ASRGL1: variants seen among roughly 807,000 people sequenced by gnomAD.
ASRGL1 encodes isoaspartyl peptidase/L-asparaginase.
In ASRGL1, 16 loss-of-function variants were observed where a neutral mutation model predicts 22.4. That is an observed-to-expected ratio of 0.71 (90% CI 0.48 to 1.08). The LOEUF (loss-of-function observed/expected upper bound fraction) is 1.08, where lower values mean the gene tolerates loss of function less well. ASRGL1 is among the 50% of genes least tolerant of loss of function. ASRGL1 has a pLI of 0.00. For missense variants in ASRGL1, 412 were observed against 410.1 expected, an observed-to-expected ratio of 1.00 and a Z score of -0.04; for synonymous variants, 165 against 159.3, an observed-to-expected ratio of 1.04 and a Z score of -0.27.
At chr11:62,359,224 C>G (rs1312134267) in intron 4 of ASRGL1, among the ~76,000 whole-genome samples, 1 of 152,092 alleles carries the variant, frequency 6.6e-6, no homozygotes, top group Non-Finnish European at 1.5e-5. Flanking sequence ...CACAGTGGAT[C>G]ACATCTGAGG....
At chr11:62,343,339 C>G (rs1590702899) in intron 2 of ASRGL1, among the ~76,000 whole-genome samples, 2 of 142,406 alleles carry the variant, frequency 1.4e-5, no homozygotes, top group Admixed American at 7.4e-5. Context: ...GATCGTGCCA[C>G]TGCACTCCAG....
At chr11:62,378,579 G>A (rs769612690) in intron 4 of ASRGL1, among the ~76,000 whole-genome samples, 1 of 152,192 alleles carries the variant, frequency 6.6e-6, no homozygotes, top group Non-Finnish European at 1.5e-5. Context: ...TTAAAGGCCA[G>A]TCTTTTGGGA....
At chr11:62,388,690 A>G (rs1000785317) in intron 4 of ASRGL1, among the ~76,000 whole-genome samples, 7 of 150,410 alleles carry the variant, frequency 4.7e-5, no homozygotes, top group Admixed American at 2.0e-4. Context: ...AAAAAAAAAA[A>G]GCAGGATTTT....
rs1945764680 is a variant in ASRGL1, at chr11:62,337,963, C to CT, written c.-14dup. ...GACGACGCTTTCGCCTTCCTGCTGC[C>CT]TAGGATCCGCCGACATGAATCCCAT... On this transcript the variant is annotated 5_prime_UTR_variant, in exon 2 of 7. Coordinates refer to ENST00000415229, the MANE Select transcript of ASRGL1 (RefSeq NM_001083926.2). 6.3e-7 allele frequency: 1 copy of CT among 1,582,806 alleles called. No homozygotes were observed. The highest frequency in any genetic ancestry group is 1.8e-5 in the Admixed American group (1 of 54,880).
chr11:62,397,210 A>G (rs1326159613), downstream of ASRGL1, among the ~76,000 whole-genome samples: 1 of 152,036 alleles, frequency 6.6e-6, no homozygotes, highest in African/African-American at 2.4e-5. Flanking sequence ...TTGTATTTTT[A>G]GTAGAGATGG....
intron 4 of ASRGL1, chr11:62,372,107 A>G (rs1341572384): frequency 8.9e-6 from 7 of 786,280 alleles, no homozygotes; most frequent in Non-Finnish European, 1.6e-5. Flanking sequence ...CCTCCTCATC[A>G]CCACAGAAGG....
intron 2 of ASRGL1, among the ~76,000 whole-genome samples, chr11:62,349,871 C>A (rs1324274393): frequency 6.6e-6 from 1 of 152,012 alleles, no homozygotes; most frequent in Non-Finnish European, 1.5e-5. Context: ...CCTTTTTAGA[C>A]CACATAGGGG....
chr11:62,350,540 A>G (rs113099624), intron 2 of ASRGL1, among the ~76,000 whole-genome samples: 6,617 of 152,298 alleles, frequency 0.043, 493 homozygotes, highest in African/African-American at 0.15. Flanking sequence ...TCACGCCTGT[A>G]ATGCCAGCAC....
At chr11:62,357,664 C>G (rs1565159268) in intron 4 of ASRGL1, among the ~76,000 whole-genome samples, 1 of 152,012 alleles carries the variant, frequency 6.6e-6, no homozygotes, top group Non-Finnish European at 1.5e-5. Context: ...TATCTGTGAT[C>G]TAGTGTACCT....
intron 2 of ASRGL1, among the ~76,000 whole-genome samples, chr11:62,352,555 G>T (rs1184751191): frequency 6.6e-6 from 1 of 152,148 alleles, no homozygotes. Flanking sequence ...CGGCACTCCA[G>T]CCTGGGCGAC....
rs577020969 is a variant in ASRGL1, at chr11:62,341,196, A to ATT, written c.190+3048_190+3049dup. On this transcript the variant is annotated intron_variant, in intron 2 of 6. Coordinates refer to ENST00000415229, the MANE Select transcript of ASRGL1 (RefSeq NM_001083926.2). Reference sequence around the variant, plus strand: ...ATTAGAGAATCTTTGAGATAACAGGATTTTTTTTTTTTTTTTTTTTGAGAC... The same window carrying ATT: ...ATTAGAGAATCTTTGAGATAACAGGATTTTTTTTTTTTTTTTTTTTTTGAGAC... Among the ~76,000 whole-genome samples, 729 of 135,342 alleles carry ATT rather than the reference A, an allele frequency of 5.4e-3. 12 individuals carry two copies. Among genetic ancestry groups the ATT allele is most frequent in the African/African-American group, 0.018 (670 of 36,466 alleles). 88.8% of individuals were successfully genotyped at this position (135,342 alleles called of 152,430 possible).
chr11:62,388,296 C>T (rs1044452056), intron 4 of ASRGL1, among the ~76,000 whole-genome samples: 4 of 152,114 alleles, frequency 2.6e-5, no homozygotes, highest in African/African-American at 9.7e-5. Context: ...GGAAAATTAA[C>T]GGATTTGATC....
At chr11:62,399,638 G>T in the ASRGL1 span, among the ~76,000 whole-genome samples, 3 of 152,208 alleles carry the variant, frequency 2.0e-5, no homozygotes, top group Admixed American at 2.0e-4. Context: ...GATGGGGAAG[G>T]CATGAGTGTC....
intron 6 of ASRGL1, 136 bp downstream of exon 6, chr11:62,391,768 T>G (rs1947344394): frequency 1.8e-6 from 2 of 1,129,040 alleles, no homozygotes; most frequent in Non-Finnish European, 2.5e-6. Context: ...CGTTAACACC[T>G]TGTTTTGACT....
intron 2 of ASRGL1, among the ~76,000 whole-genome samples, chr11:62,352,654 A>G (rs905343479): frequency 6.6e-6 from 1 of 152,144 alleles, no homozygotes; most frequent in Non-Finnish European, 1.5e-5. Flanking sequence ...ACAATCTGAG[A>G]GTATCTTGGT....
At chr11:62,351,921 AC>A (rs1213362131) in intron 2 of ASRGL1, among the ~76,000 whole-genome samples, 1 of 152,070 alleles carries the variant, frequency 6.6e-6, no homozygotes, top group Non-Finnish European at 1.5e-5. Flanking sequence ...CACTTCTCTT[AC>A]CTTGGCCTCC....
chr11:62,389,790 G>C, intron 5 of ASRGL1: 1 of 217,106 alleles, frequency 4.6e-6, no homozygotes, highest in South Asian at 7.2e-5. Context: ...GGGGCTGTAT[G>C]TTTCACTCCG....
At chr11:62,356,823 A>T (rs924437109) in intron 3 of ASRGL1, among the ~76,000 whole-genome samples, 164 bp from the exon 4 acceptor site, 2 of 152,168 alleles carry the variant, frequency 1.3e-5, no homozygotes, top group East Asian at 3.8e-4. Context: ...TAATACAAAA[A>T]CTCAGTCAGG....
chr11:62,337,711 G>A (rs1039405737), intron 1 of ASRGL1, 137 bp downstream of exon 1: 14 of 371,832 alleles, frequency 3.8e-5, no homozygotes, highest in Non-Finnish European at 6.1e-5. Context: ...GGCGGTGGGC[G>A]CGGGTTAACG....
Sources: allele counts gnomAD v4.1 joint callset (sites outside exome capture counted in the v4.1 genomes callset), GRCh38; gene constraint gnomAD v4.1.1; transcripts MANE v1.5; gene names NCBI Gene and HGNC (gene_info 2026-07-23, HGNC 2026-07-21).